Variants in NAV3 observed in about 807,000 individuals in gnomAD.
NAV3 encodes the protein pore membrane and/or filament interacting like protein 1.
Under a neutral mutation model 244.7 loss-of-function variants are expected in NAV3, and 87 were observed. The observed-to-expected ratio is 0.36, with a 90% CI of 0.30 to 0.42. NAV3 has a LOEUF of 0.42. Among genes scored for constraint, NAV3 ranks in the 20% least tolerant of loss-of-function variants. The pLI is 1.00. For missense variants in NAV3, 2,663 were observed against 2,893.3 expected (o/e 0.92, Z 1.83); for synonymous variants, 1,126 against 1,042.2 (o/e 1.08, Z -1.55).
intron 9 of NAV3, among the ~76,000 whole-genome samples, chr12:78,039,095 G>C (rs76438893): frequency 6.6e-6 from 1 of 152,190 alleles, no homozygotes; most frequent in Non-Finnish European, 1.5e-5. Context: ...AAAAATGCAA[G>C]TGAAAAAGTA....
intron 1 of NAV3, among the ~76,000 whole-genome samples, chr12:77,858,926 T>C (rs1306932620): frequency 6.6e-6 from 1 of 152,088 alleles, no homozygotes; most frequent in African/African-American, 2.4e-5. Context: ...GATTTCCTAC[T>C]GAGGGAGATG....
chr12:77,805,897 G>A (rs967386993), intron 2 of NAV3, among the ~76,000 whole-genome samples: 21 of 151,474 alleles, frequency 1.4e-4, no homozygotes, highest in African/African-American at 5.2e-4. Flanking sequence ...AGTCTTGGCA[G>A]GGTGTATGTG....
chr12:78,040,000 A>C lies in NAV3; in HGVS notation c.2024-9993A>C, dbSNP rs192716388. 5.9e-5 allele frequency among the ~76,000 whole-genome samples: 9 copies of C among 152,132 alleles called. No individual in the cohort carries two copies. The East Asian group carries it at 1.7e-3, about 29-fold the overall frequency. ...GTGATTAAATGCATTTCTCACGTGC[A>C]TTTTTCTGGTAACTTGTATTGTTGC... On this transcript the variant is annotated intron_variant, in intron 9 of 39. Transcript: ENST00000397909.
chr12:77,637,167 C>G (rs1044767833), intron 2 of NAV3, among the ~76,000 whole-genome samples: 7 of 151,504 alleles, frequency 4.6e-5, no homozygotes, highest in Non-Finnish European at 8.8e-5. Flanking sequence ...ATAAATAAGT[C>G]TAATAAATGT....
chr12:77,727,978 C>T (rs2137327264), intron 2 of NAV3, among the ~76,000 whole-genome samples: 1 of 151,940 alleles, frequency 6.6e-6, no homozygotes, highest in South Asian at 2.1e-4. Flanking sequence ...CCCAAATTGG[C>T]CTCATCAGTA....
chr12:77,744,895 C>A (rs1355247625), intron 2 of NAV3, among the ~76,000 whole-genome samples: 1 of 151,640 alleles, frequency 6.6e-6, no homozygotes, highest in East Asian at 1.9e-4. Context: ...TTGTAGTGAA[C>A]TTTTTTTGAA....
In NAV3 at chr12:77,582,399, GA is replaced by G. The variant is rs531000655; in HGVS notation, c.72+10136del. ...GGTGTGAAAAATAGTCCAGATTTGGGAAACCACAGTTCTTTGATGACATTAA... is the reference window on the plus strand; with the variant it reads ...GGTGTGAAAAATAGTCCAGATTTGGGAACCACAGTTCTTTGATGACATTAA... On this transcript the variant is annotated intron_variant, in intron 2 of 8. Coordinates refer to the NAV3 transcript ENST00000550042. Among the ~76,000 whole-genome samples, 303 of 152,314 alleles carry G rather than the reference GA, an allele frequency of 2.0e-3. 1 individual carries two copies. The highest frequency in any genetic ancestry group is 3.4e-3 in the Non-Finnish European group (232 of 68,026).
intron 1 of NAV3, among the ~76,000 whole-genome samples, chr12:77,931,724 G>A (rs1460122893): frequency 2.0e-5 from 3 of 152,112 alleles, no homozygotes; most frequent in South Asian, 2.1e-4. Flanking sequence ...AAAATTAGCC[G>A]GGTGTGGTGG....
At chr12:78,000,804 A>G (rs1003203544) in intron 7 of NAV3, among the ~76,000 whole-genome samples, 2 of 151,338 alleles carry the variant, frequency 1.3e-5, no homozygotes, top group African/African-American at 2.4e-5. Context: ...CGCCCGGCCA[A>G]AACATTTTAT....
intron 2 of NAV3, among the ~76,000 whole-genome samples, chr12:77,621,075 AG>A (rs1871352190): frequency 6.6e-6 from 1 of 151,938 alleles, no homozygotes; most frequent in African/African-American, 2.4e-5. Context: ...AGAAGGTTTG[AG>A]TTTGTGATTT....
At chr12:78,204,262 G>T (rs569530287) in intron 38 of NAV3, among the ~76,000 whole-genome samples, 36 of 152,142 alleles carry the variant, frequency 2.4e-4, no homozygotes, top group African/African-American at 8.7e-4. Flanking sequence ...GCAAAATGAC[G>T]AGTTAATGGG....
intron 31 of NAV3, 151 bp downstream of exon 31, chr12:78,185,849 A>C (rs1438083563): frequency 3.2e-6 from 2 of 627,752 alleles, no homozygotes; most frequent in Non-Finnish European, 2.7e-6. Context: ...TGAAAAGGAC[A>C]ATAAAATGAT....
intron 2 of NAV3, among the ~76,000 whole-genome samples, chr12:77,575,774 T>C (rs942675122): frequency 1.3e-5 from 2 of 152,160 alleles, no homozygotes; most frequent in Non-Finnish European, 2.9e-5. Flanking sequence ...TATTGCTCCA[T>C]GAATATTTTG....
intron 2 of NAV3, among the ~76,000 whole-genome samples, chr12:77,572,757 A>C (rs1868887583): frequency 6.6e-6 from 1 of 152,232 alleles, no homozygotes. Context: ...GTTGTGAGAC[A>C]ACTGCGAGCT....
chr12:77,818,078 G>A (rs61935811), intron 2 of NAV3, among the ~76,000 whole-genome samples: 2,647 of 152,108 alleles, frequency 0.017, 35 homozygotes, highest in Non-Finnish European at 0.027. Flanking sequence ...GGGATAGGTG[G>A]GATAGGTGGA....
In NAV3 at chr12:78,092,491, C is replaced by CTTTTTTTTT. The variant is rs71088358; in HGVS notation, c.2637-24263_2637-24255dup. Reference sequence around the variant, plus strand: ...ACCCTTTGAAAGCGTTAGTTATTTTCTTTTTTTTTTTTTTTTTTTTTTTTT... The same window carrying CTTTTTTTTT: ...ACCCTTTGAAAGCGTTAGTTATTTTCTTTTTTTTTTTTTTTTTTTTTTTTTTTTTTTTTT... On this transcript the variant is annotated intron_variant, in intron 12 of 39. Coordinates refer to ENST00000397909, the MANE Select transcript of NAV3 (RefSeq NM_001024383.2). Among the ~76,000 whole-genome samples the CTTTTTTTTT allele has an allele frequency of 6.7e-4, 43 of 64,030 alleles. 3 individuals are homozygous for CTTTTTTTTT. Among genetic ancestry groups the CTTTTTTTTT allele is most frequent in the Non-Finnish European group, 1.0e-3 (33 of 32,534 alleles). The allele number at this position is 64,030 out of a possible 152,430, so 42.0% of individuals were successfully genotyped here.
chr12:78,082,248 C>A (rs371132191), intron 12 of NAV3, among the ~76,000 whole-genome samples: 7 of 152,200 alleles, frequency 4.6e-5, no homozygotes, highest in African/African-American at 1.4e-4. Context: ...ATAAATTACC[C>A]AGTCTCAGGT....
intron 9 of NAV3, among the ~76,000 whole-genome samples, chr12:78,031,958 A>G (rs939964186): frequency 1.4e-4 from 21 of 152,112 alleles, no homozygotes; most frequent in African/African-American, 4.3e-4. Context: ...ACAAAAGAGA[A>G]GCTTAGACCT....
intron 12 of NAV3, among the ~76,000 whole-genome samples, chr12:78,110,607 A>G (rs300430): frequency 0.81 from 122,602 of 151,762 alleles, 49,828 homozygotes; most frequent in Non-Finnish European, 0.85. Context: ...AAAGCTGGAG[A>G]CTATAGTAGC....
Sources: allele counts gnomAD v4.1 joint callset (sites outside exome capture counted in the v4.1 genomes callset), GRCh38; gene constraint gnomAD v4.1.1; transcripts MANE v1.5; gene names NCBI Gene and HGNC (gene_info 2026-07-23, HGNC 2026-07-21).